CADM2: variants seen among roughly 807,000 people sequenced by gnomAD.
CADM2 encodes immunoglobulin superfamily member 4D.
CADM2 carries 12 observed loss-of-function variants against 49.8 expected under a neutral mutation model. The observed-to-expected ratio is 0.24, with a 90% CI of 0.15 to 0.39. CADM2 has a LOEUF of 0.39. Ranked by LOEUF, CADM2 falls within the 10% of genes least tolerant of loss-of-function variation. CADM2 has a pLI of 1.00. For synonymous variants in CADM2, 214 were observed against 175.4 expected (o/e 1.22, Z -1.74); for missense variants, 378 against 492.3 (o/e 0.77, Z 2.20).
intron 3 of CADM2, among the ~76,000 whole-genome samples, chr3:85,822,208 A>G (rs890993178): frequency 2.6e-5 from 4 of 152,214 alleles, no homozygotes; most frequent in African/African-American, 4.8e-5. Flanking sequence ...TAGCAGAGAA[A>G]TGAATCTTAG....
intron 1 of CADM2, among the ~76,000 whole-genome samples, chr3:85,450,178 C>T (rs1576578456): frequency 6.6e-6 from 1 of 151,914 alleles, no homozygotes; most frequent in Non-Finnish European, 1.5e-5. Flanking sequence ...ATTTGGACAG[C>T]GTTATTTAAG....
chr3:85,517,593 T>C (rs1200624407), intron 1 of CADM2, among the ~76,000 whole-genome samples: 1 of 152,148 alleles, frequency 6.6e-6, no homozygotes, highest in Non-Finnish European at 1.5e-5. Flanking sequence ...TGACTATGCT[T>C]AACTCTAAAA....
chr3:85,900,409 C>A (rs183037985), intron 5 of CADM2, among the ~76,000 whole-genome samples: 1 of 151,908 alleles, frequency 6.6e-6, no homozygotes, highest in African/African-American at 2.4e-5. Flanking sequence ...AAAAATCATG[C>A]GAGTTTTGAG....
intron 1 of CADM2, among the ~76,000 whole-genome samples, chr3:85,720,808 A>G (rs1434519477): frequency 6.6e-6 from 1 of 152,212 alleles, no homozygotes; most frequent in African/African-American, 2.4e-5. Flanking sequence ...GTAGGCAGTT[A>G]TCTAGCCCTC....
intron 1 of CADM2, among the ~76,000 whole-genome samples, chr3:85,012,759 C>A (rs918604202): frequency 6.0e-5 from 9 of 150,918 alleles, no homozygotes; most frequent in African/African-American, 2.2e-4. Context: ...TAATTTATTT[C>A]TATATTATAG....
chr3:85,675,047 G>T (rs1277440122), intron 1 of CADM2, among the ~76,000 whole-genome samples: 1 of 152,044 alleles, frequency 6.6e-6, no homozygotes, highest in Non-Finnish European at 1.5e-5. Context: ...GCTAACATTT[G>T]TATTATGAAG....
At position 85,197,644 on chromosome 3, in the gene CADM2, T is replaced by G. The variant is rs111535112; in HGVS notation, c.61+237976T>G. Among the ~76,000 whole-genome samples the G allele has an allele frequency of 2.1e-3, 317 of 152,028 alleles. 1 individual carries two copies. The highest frequency in any genetic ancestry group is 7.2e-3 in the African/African-American group (300 of 41,530). On this transcript the variant is annotated intron_variant, in intron 1 of 9. Coordinates refer to ENST00000383699, the MANE Select transcript of CADM2 (RefSeq NM_001167675.2). ...CATTTAGACACTGAAGTTGGACAAGTGTTGTTTAGGGACTCTTCCATTTGG... is the reference window on the plus strand; with the variant it reads ...CATTTAGACACTGAAGTTGGACAAGGGTTGTTTAGGGACTCTTCCATTTGG...
intron 1 of CADM2, among the ~76,000 whole-genome samples, chr3:85,478,135 T>C (rs2039060056): frequency 6.6e-6 from 1 of 151,942 alleles, no homozygotes; most frequent in South Asian, 2.1e-4. Context: ...ATATCAGTTA[T>C]CTATGTAATC....
At chr3:85,249,940 TA>T (rs2042737428) in intron 1 of CADM2, among the ~76,000 whole-genome samples, 1 of 151,856 alleles carries the variant, frequency 6.6e-6, no homozygotes, top group South Asian at 2.1e-4. Context: ...GTTAAATTTC[TA>T]ATGAATTCTA....
At chr3:85,214,107 T>A (rs1381035537) in intron 1 of CADM2, among the ~76,000 whole-genome samples, 1 of 152,116 alleles carries the variant, frequency 6.6e-6, no homozygotes, top group Non-Finnish European at 1.5e-5. Flanking sequence ...TCAGGTGTTG[T>A]GATCCAAGTC....
At chr3:85,315,082 A>T (rs1021446459) in intron 1 of CADM2, among the ~76,000 whole-genome samples, 1 of 152,200 alleles carries the variant, frequency 6.6e-6, no homozygotes, top group Non-Finnish European at 1.5e-5. Context: ...AGTTTCTGGC[A>T]GTCCCAAGAA....
intron 3 of CADM2, among the ~76,000 whole-genome samples, chr3:85,823,318 T>G (rs10511068): frequency 0.35 from 53,743 of 152,016 alleles, 10,001 homozygotes; most frequent in East Asian, 0.57. Flanking sequence ...CTGATACTTC[T>G]ATTGTGCACT....
At chr3:85,306,234 G>A (rs2044209435) in intron 1 of CADM2, among the ~76,000 whole-genome samples, 1 of 151,626 alleles carries the variant, frequency 6.6e-6, no homozygotes, top group Non-Finnish European at 1.5e-5. Flanking sequence ...AATCTATTTA[G>A]TGTTTTGCTT....
At chr3:85,794,085 C>T (rs1247688242) in intron 2 of CADM2, among the ~76,000 whole-genome samples, 2 of 152,084 alleles carry the variant, frequency 1.3e-5, no homozygotes, top group African/African-American at 4.8e-5. Flanking sequence ...TTCTGGATCA[C>T]CATCTGTTTT....
Position 85,897,991 on chromosome 3 carries a change from C to T in CADM2, c.529+11664C>T, listed in dbSNP as rs533402393. On this transcript the variant is annotated intron_variant, in intron 5 of 9. Coordinates refer to ENST00000383699, the MANE Select transcript of CADM2 (RefSeq NM_001167675.2). The stretch of plus-strand genomic sequence containing the variant: ...TTTATACTTACTGCTTTGAAAGTGG[C>T]CTTGCCATTTCATCCAGAACATGCT... Among the ~76,000 whole-genome samples, 7 of 152,100 alleles carry T rather than the reference C, an allele frequency of 4.6e-5. No individual in the cohort carries two copies. In the South Asian group the frequency reaches 1.5e-3, roughly 32 times the overall value.
At chr3:85,714,287 G>A (rs1401584404) in intron 1 of CADM2, among the ~76,000 whole-genome samples, 1 of 151,914 alleles carries the variant, frequency 6.6e-6, no homozygotes, top group African/African-American at 2.4e-5. Context: ...ATGACTACTT[G>A]CTTGAACACA....
intron 1 of CADM2, among the ~76,000 whole-genome samples, chr3:85,291,823 G>T (rs546847719): frequency 1.4e-5 from 2 of 147,502 alleles, no homozygotes; most frequent in African/African-American, 5.4e-5. Context: ...GGTACCAGCC[G>T]CTGCAAAATC....
chr3:85,531,889 TAAAA>T (rs2061320449), intron 1 of CADM2, among the ~76,000 whole-genome samples: 1 of 152,066 alleles, frequency 6.6e-6, no homozygotes. Flanking sequence ...ATTTAACAAA[TAAAA>T]AAGTCCAGGT....
chr3:85,180,369 C>T (rs2040899885), intron 1 of CADM2, among the ~76,000 whole-genome samples: 1 of 151,638 alleles, frequency 6.6e-6, no homozygotes, highest in South Asian at 2.1e-4. Context: ...ATTAGCCAGG[C>T]TTGGTGGCTT....
Sources: gnomAD v4.1 joint callset for allele counts (sites outside exome capture counted in the v4.1 genomes callset) on GRCh38, gnomAD v4.1.1 for gene constraint, MANE v1.5 for transcripts, NCBI Gene and HGNC (gene_info 2026-07-23, HGNC 2026-07-21) for gene names.